GALNT13: variants seen among roughly 807,000 people sequenced by gnomAD.
GALNT13 encodes polypeptide N-acetylgalactosaminyltransferase 13.
A neutral mutation model predicts 64.2 loss-of-function variants in GALNT13; 28 were observed. That is an observed-to-expected ratio of 0.44 (90% CI 0.32 to 0.60). GALNT13 has a LOEUF of 0.60. Among genes scored for constraint, GALNT13 ranks in the 20% least tolerant of loss-of-function variants. The probability of loss-of-function intolerance (pLI) is 0.05; values close to 1 mark genes in which losing one functional copy is unlikely to be tolerated. For missense variants in GALNT13, 577 were observed against 669.8 expected (o/e 0.86, Z 1.53); for synonymous variants, 214 against 224.6 (o/e 0.95, Z 0.42).
chr2:154,146,754 C>A (rs1481805267), intron 4 of GALNT13, among the ~76,000 whole-genome samples: 1 of 152,058 alleles, frequency 6.6e-6, no homozygotes, highest in African/African-American at 2.4e-5. Flanking sequence ...ATAAACAAAT[C>A]TCACTAAATA....
the GALNT13 span, chr2:153,337,925 T>C: frequency 6.6e-6 from 1 of 152,212 alleles, no homozygotes; most frequent in African/African-American, 2.4e-5. Context: ...ATGCATAATA[T>C]TAATAATGGC....
chr2:153,328,521 G>A, the GALNT13 span, among the ~76,000 whole-genome samples: 1 of 152,186 alleles, frequency 6.6e-6, no homozygotes, highest in South Asian at 2.1e-4. Flanking sequence ...GAAATATAGA[G>A]AGGCAGTCTG....
chr2:153,677,579 CA>C, the GALNT13 span, among the ~76,000 whole-genome samples: 869 of 151,370 alleles, frequency 5.7e-3, 10 homozygotes, highest in African/African-American at 0.02. Flanking sequence ...TATATGGAAC[CA>C]AAAAAAAGCC....
chr2:154,290,481 C>T (rs1559070603), intron 8 of GALNT13, among the ~76,000 whole-genome samples: 1 of 152,234 alleles, frequency 6.6e-6, no homozygotes, highest in Non-Finnish European at 1.5e-5. Context: ...AATGTACATA[C>T]AGGACATGCC....
At chr2:153,513,345 T>G in the GALNT13 span, among the ~76,000 whole-genome samples, 1 of 152,236 alleles carries the variant, frequency 6.6e-6, no homozygotes, top group South Asian at 2.1e-4. Context: ...AAGTTGATTT[T>G]CCACAAGTCC....
At chr2:153,866,455 A>T in the GALNT13 span, among the ~76,000 whole-genome samples, 1 of 152,164 alleles carries the variant, frequency 6.6e-6, no homozygotes, top group African/African-American at 2.4e-5. Context: ...ATATCCTACT[A>T]TATAGTGGAG....
At chr2:153,071,654 T>A in the GALNT13 span, among the ~76,000 whole-genome samples, 35,524 of 152,186 alleles carry the variant, frequency 0.23, 4,677 homozygotes, top group East Asian at 0.3. Context: ...GGCTAATGTT[T>A]GTTTATTGGC....
At chr2:154,268,530 A>C (rs534679549) in intron 8 of GALNT13, among the ~76,000 whole-genome samples, 1 of 152,254 alleles carries the variant, frequency 6.6e-6, no homozygotes, top group East Asian at 1.9e-4. Flanking sequence ...CCTATGACAA[A>C]ACTTCTTATT....
chr2:153,554,644 G>A, the GALNT13 span, among the ~76,000 whole-genome samples: 3 of 148,692 alleles, frequency 2.0e-5, no homozygotes, highest in Admixed American at 6.7e-5. Context: ...CCAGAAACCC[G>A]GGATGCTGTA....
chr2:154,347,782 G>C (rs1696154135), intron 9 of GALNT13, among the ~76,000 whole-genome samples: 1 of 152,162 alleles, frequency 6.6e-6, no homozygotes, highest in Admixed American at 6.6e-5. Flanking sequence ...ACTCTCAGAA[G>C]TAGTTAGTAT....
At chr2:154,018,781 A>G (rs1478287908) in intron 3 of GALNT13, among the ~76,000 whole-genome samples, 1 of 150,888 alleles carries the variant, frequency 6.6e-6, no homozygotes, top group Admixed American at 6.6e-5. Context: ...AGAGAAGGAG[A>G]AGAGAAGAGG....
chr2:153,316,235 C>T, the GALNT13 span, among the ~76,000 whole-genome samples: 2 of 152,088 alleles, frequency 1.3e-5, no homozygotes, highest in African/African-American at 2.4e-5. Flanking sequence ...ATGGTATAAC[C>T]AATTTAAAAA....
At chr2:154,234,645 G>GA (rs1689095660) in intron 4 of GALNT13, among the ~76,000 whole-genome samples, 1 of 151,998 alleles carries the variant, frequency 6.6e-6, no homozygotes, top group Admixed American at 6.6e-5. Context: ...TTGAAGATAT[G>GA]AAAAAAATGT....
the GALNT13 span, among the ~76,000 whole-genome samples, chr2:153,355,756 T>G: frequency 6.6e-6 from 1 of 152,222 alleles, no homozygotes; most frequent in Non-Finnish European, 1.5e-5. Context: ...AGAGCAATTA[T>G]AATGCCTACA....
chr2:153,671,977 G>C, the GALNT13 span, among the ~76,000 whole-genome samples: 1 of 152,094 alleles, frequency 6.6e-6, no homozygotes, highest in Admixed American at 6.5e-5. Context: ...AATGATAAAA[G>C]GACCAATTCA....
the GALNT13 span, among the ~76,000 whole-genome samples, chr2:153,798,135 A>G: frequency 6.6e-6 from 1 of 152,194 alleles, no homozygotes; most frequent in Non-Finnish European, 1.5e-5. Context: ...GATTGAAGTC[A>G]ACACATAACT....
the GALNT13 span, among the ~76,000 whole-genome samples, chr2:153,453,086 C>T: frequency 6.6e-6 from 1 of 152,090 alleles, no homozygotes; most frequent in Admixed American, 6.5e-5. Context: ...TGAAACTAGA[C>T]CACTACCTCT....
chr2:153,594,345 C>T, the GALNT13 span, among the ~76,000 whole-genome samples: 1 of 152,080 alleles, frequency 6.6e-6, no homozygotes, highest in African/African-American at 2.4e-5. Flanking sequence ...GCTTAATTAT[C>T]ATTTATATAA....
chr2:153,998,965 G>T (rs1311400460), intron 3 of GALNT13, among the ~76,000 whole-genome samples: 1 of 151,978 alleles, frequency 6.6e-6, no homozygotes, highest in Non-Finnish European at 1.5e-5. Context: ...TGTGAAAATG[G>T]CCAAACTGCC....
Sources: allele counts gnomAD v4.1 joint callset (sites outside exome capture counted in the v4.1 genomes callset), GRCh38; gene constraint gnomAD v4.1.1; transcripts MANE v1.5; gene names NCBI Gene and HGNC (gene_info 2026-07-23, HGNC 2026-07-21).